STAT4: variants seen among roughly 807,000 people sequenced by gnomAD.
STAT4 encodes the protein signal transducer and activator of transcription 4.
In STAT4, 42 loss-of-function variants were observed where a neutral mutation model predicts 110.5. The ratio of observed to expected loss-of-function variants is 0.38; its 90% CI spans 0.30 to 0.49. The LOEUF (loss-of-function observed/expected upper bound fraction) is 0.49, where lower values mean the gene tolerates loss of function less well. Ranked by LOEUF, STAT4 falls within the 20% of genes least tolerant of loss-of-function variation. The pLI is 0.95. For synonymous variants in STAT4, 284 were observed against 302.2 expected (o/e 0.94, Z 0.63); for missense variants, 632 against 887.9 (o/e 0.71, Z 3.66).
chr2:191,132,519 A>G (rs763930914), intron 3 of STAT4, among the ~76,000 whole-genome samples: 22 of 151,732 alleles, frequency 1.4e-4, no homozygotes, highest in Non-Finnish European at 2.9e-4. Context: ...GGTGATGAGC[A>G]CTGAATCTAC....
intron 3 of STAT4, among the ~76,000 whole-genome samples, chr2:191,133,884 A>G (rs989791931): frequency 4.0e-5 from 6 of 148,308 alleles, no homozygotes; most frequent in Admixed American, 3.3e-4. Context: ...TAAACAAACT[A>G]GGGTACATCT....
chr2:191,064,656 T>C, intron 8 of STAT4, 151 bp downstream of exon 8: 1 of 977,474 alleles, frequency 1.0e-6, no homozygotes, highest in Non-Finnish European at 1.5e-6. Flanking sequence ...ATACTATTTG[T>C]TTTCAACTGT....
intron 3 of STAT4, among the ~76,000 whole-genome samples, chr2:191,141,565 T>C (rs1162914483): frequency 1.4e-5 from 2 of 144,474 alleles, no homozygotes; most frequent in Non-Finnish European, 3.0e-5. Context: ...ATATATACCA[T>C]ATATGATATA....
chr2:191,087,909 G>A (rs184129165), intron 3 of STAT4, among the ~76,000 whole-genome samples: 1 of 151,786 alleles, frequency 6.6e-6, no homozygotes, highest in African/African-American at 2.4e-5. Context: ...AAAAAAAAAT[G>A]TACCAAAAAA....
At chr2:191,045,032 A>C (rs1696310452) in intron 14 of STAT4, among the ~76,000 whole-genome samples, 1 of 152,206 alleles carries the variant, frequency 6.6e-6, no homozygotes, top group African/African-American at 2.4e-5. Context: ...TATGTTATAT[A>C]ATGATATTGT....
intron 3 of STAT4, among the ~76,000 whole-genome samples, chr2:191,130,448 T>A (rs939078654): frequency 1.3e-5 from 2 of 151,588 alleles, no homozygotes; most frequent in African/African-American, 2.4e-5. Flanking sequence ...GGTCTCGATC[T>A]CCTGACCTCG....
chr2:191,074,148 C>A (rs895301905), intron 4 of STAT4, among the ~76,000 whole-genome samples: 4 of 152,124 alleles, frequency 2.6e-5, no homozygotes, highest in Non-Finnish European at 4.4e-5. Flanking sequence ...GACAGTTCCT[C>A]CAAGCAGAAC....
chr2:191,035,450 T>C lies in STAT4; in HGVS notation c.1570+714A>G, dbSNP rs987261042. On this transcript the variant is annotated intron_variant, in intron 17 of 23. Transcript: ENST00000392320. The surrounding 1 kb of genome is among the most constrained non-coding windows in gnomAD (Gnocchi z 4.7). ...ATTCTACTTCTGCACAAATGGATCT[T>C]TGGCCCTAATTTAACTAGAAACGCA... 1.3e-5 allele frequency among the ~76,000 whole-genome samples: 2 copies of C among 152,222 alleles called. No homozygotes were observed. Among genetic ancestry groups the C allele is most frequent in the African/African-American group, 2.4e-5 (1 of 41,456 alleles).
At position 191,058,900 on chromosome 2, in the gene STAT4, T is replaced by C. The variant is rs1696777326; in HGVS notation, c.1035-131A>G. 3 of 562,466 alleles carry C rather than the reference T, an allele frequency of 5.3e-6. No homozygotes were observed. The highest frequency in any genetic ancestry group is 2.6e-5 in the South Asian group (1 of 37,776). 34.8% of individuals were successfully genotyped at this position (562,466 alleles called of 1,614,324 possible). ...ATAAACCTTACATTATCTACAGTTA[T>C]ATGTTAGTGTGTTTTAAAAATGTAT... On this transcript the variant is annotated intron_variant, in intron 10 of 23. Transcript: ENST00000392320. The surrounding 1 kb of genome is among the most constrained non-coding windows in gnomAD (Gnocchi z 4.3).
chr2:191,136,251 AG>A (rs1699179434), intron 3 of STAT4, among the ~76,000 whole-genome samples: 1 of 152,240 alleles, frequency 6.6e-6, no homozygotes, highest in Non-Finnish European at 1.5e-5. Flanking sequence ...CAACATAAAA[AG>A]GCCATACATG....
rs1696786248 is a variant in STAT4, at chr2:191,059,316, A to G, written c.1035-547T>C. On this transcript the variant is annotated intron_variant, in intron 10 of 23. Transcript: ENST00000392320. This position sits in a 1 kb window ranked among gnomAD's most constrained non-coding sequence, Gnocchi z 4.7. ...ACGTTCATTAAAAAAACAAACTTCAAATGAACAAGTAATTGAAGTTCAGTA... is the reference window on the plus strand; with the variant it reads ...ACGTTCATTAAAAAAACAAACTTCAGATGAACAAGTAATTGAAGTTCAGTA... Among the ~76,000 whole-genome samples the G allele has an allele frequency of 6.6e-6, 1 of 152,214 alleles. No individual in the cohort carries two copies. Among genetic ancestry groups the G allele is most frequent in the African/African-American group, 2.4e-5 (1 of 41,464 alleles).
chr2:191,127,597 C>T (rs1698916589), intron 3 of STAT4, among the ~76,000 whole-genome samples: 1 of 152,192 alleles, frequency 6.6e-6, no homozygotes, highest in African/African-American at 2.4e-5. Context: ...TGCCAGTCAA[C>T]ACTATCCTGA....
At position 191,104,289 on chromosome 2, in the gene STAT4, C is replaced by CT. The variant is rs923190283; in HGVS notation, c.274-27965dup. Among the ~76,000 whole-genome samples the CT allele has an allele frequency of 3.3e-5, 5 of 152,010 alleles. No individual in the cohort carries two copies. Among genetic ancestry groups the CT allele is most frequent in the Non-Finnish European group, 4.4e-5 (3 of 68,000 alleles). On this transcript the variant is annotated intron_variant, in intron 3 of 23. Coordinates refer to ENST00000392320, the MANE Select transcript of STAT4 (RefSeq NM_003151.4). The surrounding 1 kb of genome is among the most constrained non-coding windows in gnomAD (Gnocchi z 4.3). ...TACTCGTATAATTTTTAAAAACACTCTTTTTTAACTGAACAAAGCTTTGAT... is the reference window on the plus strand; with the variant it reads ...TACTCGTATAATTTTTAAAAACACTCTTTTTTTAACTGAACAAAGCTTTGAT...
In STAT4 at chr2:191,148,083, G is replaced by C. The variant is rs1207353579; in HGVS notation, c.121C>G (p.Gln41Glu). 6.2e-7 allele frequency: 1 copy of C among 1,613,590 alleles called. No homozygotes were observed. The highest frequency in any genetic ancestry group is 1.3e-5 in the African/African-American group (1 of 74,900). The change falls in exon 2 of 24, where the codon CAA becomes GAA. Residue 41 changes from glutamine to glutamate, a missense_variant. Around this residue, in one of 4 missense-constraint regions of STAT4, gnomAD observed 488 missense variants for 632.8 expected, o/e 0.77. Transcript: ENST00000392320. ...RHLLAQWIENQDWEAASNNET... is the reference protein window; with the variant it reads ...RHLLAQWIENEDWEAASNNET... ...AAATATGTTTGATCCTACCAGTCTT[G>C]ATTTTCAATCCATTGGGCCAACAGA...
rs943701602 is a variant in STAT4, at chr2:191,030,354, T to C, written c.2221-488A>G. Among the ~76,000 whole-genome samples the C allele has an allele frequency of 1.3e-5, 2 of 152,204 alleles. No individual in the cohort carries two copies. The highest frequency in any genetic ancestry group is 3.2e-3 in the Middle Eastern group (1 of 316). ...CATGTAAATTGGGGGTTTGAACCCA[T>C]TGACAGTATTGGTGGATAAGAGCAA... On this transcript the variant is annotated intron_variant, in intron 23 of 23. Transcript: ENST00000392320. This position sits in a 1 kb window ranked among gnomAD's most constrained non-coding sequence, Gnocchi z 4.4.
intron 3 of STAT4, among the ~76,000 whole-genome samples, chr2:191,092,531 T>C (rs934511152): frequency 9.2e-5 from 14 of 152,084 alleles, no homozygotes; most frequent in Non-Finnish European, 1.6e-4. Context: ...AAAAAAAGAA[T>C]TCTAAGTAGA....
At position 191,043,737 on chromosome 2, in the gene STAT4, A is replaced by G. The variant is rs1306936298; in HGVS notation, c.1252-2589T>C. Among the ~76,000 whole-genome samples, 1 of 152,214 alleles carries G rather than the reference A, an allele frequency of 6.6e-6. No homozygotes were observed. Among genetic ancestry groups the G allele is most frequent in the Non-Finnish European group, 1.5e-5 (1 of 68,046 alleles). ...CTAGCTATACTGTGTATATTTATAGAGCAAAAAACTATACAGCGTTGGAAT... is the reference window on the plus strand; with the variant it reads ...CTAGCTATACTGTGTATATTTATAGGGCAAAAAACTATACAGCGTTGGAAT... On this transcript the variant is annotated intron_variant, in intron 14 of 23. Transcript: ENST00000392320. This position sits in a 1 kb window ranked among gnomAD's most constrained non-coding sequence, Gnocchi z 4.8.
In STAT4 at chr2:191,138,460, A is replaced by T. The variant is rs1176707751; in HGVS notation, c.273+8153T>A. ...ACCGCAGAAATACAAAAGATTAGCTAAGGCTATTATGAACACTTTTATGTG... is the reference window on the plus strand; with the variant it reads ...ACCGCAGAAATACAAAAGATTAGCTTAGGCTATTATGAACACTTTTATGTG... On this transcript the variant is annotated intron_variant, in intron 3 of 23. Transcript: ENST00000392320. The surrounding 1 kb of genome is among the most constrained non-coding windows in gnomAD (Gnocchi z 4.3). Among the ~76,000 whole-genome samples, 1 of 152,186 alleles carries T rather than the reference A, an allele frequency of 6.6e-6. No individual in the cohort carries two copies. The highest frequency in any genetic ancestry group is 2.4e-5 in the African/African-American group (1 of 41,462).
intron 3 of STAT4, among the ~76,000 whole-genome samples, chr2:191,081,130 T>G (rs945553238): frequency 5.3e-5 from 8 of 152,206 alleles, no homozygotes. Context: ...CTGAGAACGA[T>G]GGCTTCCAGC....
Sources: allele counts gnomAD v4.1 joint callset (sites outside exome capture counted in the v4.1 genomes callset), GRCh38; gene constraint gnomAD v4.1.1; regional missense constraint gnomAD v4.1.1; non-coding constraint Gnocchi (gnomAD v3.1); transcripts MANE v1.5; gene names NCBI Gene and HGNC (gene_info 2026-07-23, HGNC 2026-07-21).